The following TMEM94 variants were observed in gnomAD, a reference collection of about 807,000 sequenced individuals.
TMEM94 encodes transmembrane protein 94, also known as ER Mg2+ ATPase.
Under a neutral mutation model 158.6 loss-of-function variants are expected in TMEM94, and 81 were observed. The observed-to-expected ratio is 0.51, with a 90% CI of 0.43 to 0.61. The LOEUF (loss-of-function observed/expected upper bound fraction) is 0.61, where lower values mean the gene tolerates loss of function less well. TMEM94 is among the 20% of genes least tolerant of loss of function. The pLI is 0.00. For synonymous variants in TMEM94, 751 were observed against 730.7 expected (o/e 1.03, Z -0.45); for missense variants, 1,435 against 1,762.0 (o/e 0.81, Z 3.32).
At chr17:75,476,659 A>T in intron 2 of TMEM94, 4 of 1,535,016 alleles carry the variant, frequency 2.6e-6, no homozygotes, top group Non-Finnish European at 3.5e-6. Context: ...AAGTTCTTGC[A>T]GCTGACTGCT....
chr17:75,478,329 TAAAAAAAA>T (rs57199058), intron 2 of TMEM94, among the ~76,000 whole-genome samples: 1 of 97,566 alleles, frequency 1.0e-5, no homozygotes, highest in Non-Finnish European at 2.1e-5. Flanking sequence ...GACTCCATCT[TAAAAAAAA>T]AAAAAAAAAA....
intron 1 of TMEM94, chr17:75,457,186 G>T (rs2049920087): frequency 6.6e-6 from 1 of 152,398 alleles, no homozygotes; most frequent in African/African-American, 2.4e-5. Flanking sequence ...GCCGCCCGGG[G>T]TCCTCGCGCG....
chr17:75,483,204 G>T (rs936480789), intron 2 of TMEM94, among the ~76,000 whole-genome samples: 2 of 152,182 alleles, frequency 1.3e-5, no homozygotes, highest in Non-Finnish European at 2.9e-5. Flanking sequence ...TGGCACATCT[G>T]AAGGGTCTCC....
intron 2 of TMEM94, among the ~76,000 whole-genome samples, chr17:75,482,515 AATATATAT>A (rs201610153): frequency 7.4e-5 from 10 of 134,424 alleles, no homozygotes; most frequent in Non-Finnish European, 1.6e-4. Context: ...TCAATTTAAA[AATATATAT>A]ATATGTATGT....
chr17:75,461,909 G>A (rs1474947118), intron 1 of TMEM94, among the ~76,000 whole-genome samples: 19 of 136,158 alleles, frequency 1.4e-4, no homozygotes, highest in East Asian at 4.3e-4. Context: ...GCAAGACTCC[G>A]TCTCAAAAAA....
Position 75,485,266 on chromosome 17 carries a change from G to T in TMEM94, c.25-162G>T. The T allele has an allele frequency of 1.5e-6, 1 of 688,908 alleles. No individual in the cohort carries two copies. The allele number at this position is 688,908 out of a possible 1,614,324, so 42.7% of individuals were successfully genotyped here. A position where few individuals can be genotyped will look rare whatever the true frequency, so the allele number is the denominator to read the frequency against. ...AACAGTTTGTAATTTGGTGGAGATG[G>T]ACATGGTCACACCTTGAGAGGCCAG... On this transcript the variant is annotated intron_variant, in intron 2 of 31. Transcript: ENST00000314256. The surrounding 1 kb of genome is among the most constrained non-coding windows in gnomAD (Gnocchi z 5.5).
At chr17:75,470,956 A>G (rs1403434067) in intron 1 of TMEM94, among the ~76,000 whole-genome samples, 1 of 148,838 alleles carries the variant, frequency 6.7e-6, no homozygotes, top group African/African-American at 2.5e-5. Flanking sequence ...AAGAAAATGA[A>G]GGTCAGGCGC....
intron 2 of TMEM94, among the ~76,000 whole-genome samples, chr17:75,482,581 T>C: frequency 6.6e-6 from 1 of 151,840 alleles, no homozygotes; most frequent in East Asian, 1.9e-4. Flanking sequence ...TAACCTGGAA[T>C]TCCCTTCATC....
In TMEM94 at chr17:75,492,943, G is replaced by T. The variant is rs1488481896; in HGVS notation, c.1927G>T (p.Ala643Ser). ...CCGCCCTGCAGGCTTCACTCCTGGG[G>T]CCAAGGAGCTTTTCAAGCAGGAGAA... is the stretch of plus-strand genomic sequence containing the variant. ...LARLIGFTPG[A>S]KELFKQENHL... Residue 643 changes from alanine to serine, a missense_variant, in exon 16 of 32, where the codon GCC (alanine) becomes TCC (serine). Ala to Ser is a moderately conservative substitution (Grantham distance 99, BLOSUM62 1). Transcript: ENST00000314256. This position sits in a 1 kb window ranked among gnomAD's most constrained non-coding sequence, Gnocchi z 4.4. The T allele has an allele frequency of 6.2e-7, 1 of 1,613,046 alleles. No individual in the cohort carries two copies. Among genetic ancestry groups the T allele is most frequent in the East Asian group, 2.2e-5 (1 of 44,868 alleles).
At position 75,489,385 on chromosome 17, in the gene TMEM94, T is replaced by C. The variant is rs767395652; in HGVS notation, c.867+17T>C. The C allele has an allele frequency of 3.1e-6, 5 of 1,609,986 alleles. No individual in the cohort carries two copies. In the African/African-American group the frequency reaches 5.3e-5, roughly 17 times the overall value. On this transcript the variant is annotated intron_variant, in intron 8 of 31. Coordinates refer to ENST00000314256, the MANE Select transcript of TMEM94 (RefSeq NM_014738.6). This position sits in a 1 kb window ranked among gnomAD's most constrained non-coding sequence, Gnocchi z 5.0. The stretch of plus-strand genomic sequence containing the variant: ...GTGGTCCTGGTGCGTGTGGCGGGGC[T>C]GTGCGGGGCTGCATGGGGCAGAGGA...
At position 75,485,893 on chromosome 17, in the gene TMEM94, TCCA is replaced by T; in HGVS notation, c.172_174del (p.His58del). On this transcript the variant is annotated inframe_deletion, in exon 4 of 32. Coordinates refer to ENST00000314256, the MANE Select transcript of TMEM94 (RefSeq NM_014738.6). The surrounding 1 kb of genome is among the most constrained non-coding windows in gnomAD (Gnocchi z 5.5). ...CAGGAGGTGTGGAGAAGCAGCTTCC[TCCA>T]CCACAGTAACCGCTGCTCCTGCTTC... 6.2e-7 allele frequency: 1 copy of T among 1,613,092 alleles called. No homozygotes were observed. The highest frequency in any genetic ancestry group is 8.5e-7 in the Non-Finnish European group (1 of 1,179,628).
In TMEM94 at chr17:75,464,783, A is replaced by G. The variant is rs1377770221; in HGVS notation, c.-106-7017A>G. The stretch of plus-strand genomic sequence containing the variant: ...GAGTGCGATGGCATGATCTCAGCTC[A>G]CTGCAACCTCCGCCTCCTGAGTTCA... On this transcript the variant is annotated intron_variant, in intron 1 of 31. Transcript: ENST00000314256. Among the ~76,000 whole-genome samples, 3 of 150,482 alleles carry G rather than the reference A, an allele frequency of 2.0e-5. No individual in the cohort carries two copies. The East Asian group carries it at 5.9e-4, about 30-fold the overall frequency.
chr17:75,484,318 A>G (rs1326956535), intron 2 of TMEM94, among the ~76,000 whole-genome samples: 2 of 103,398 alleles, frequency 1.9e-5, no homozygotes, highest in African/African-American at 7.3e-5. Context: ...CTCCCTCCCA[A>G]CCTCCCTCCC....
chr17:75,473,880 C>G (rs1003158917), intron 2 of TMEM94, among the ~76,000 whole-genome samples: 1 of 152,050 alleles, frequency 6.6e-6, no homozygotes, highest in Non-Finnish European at 1.5e-5. Context: ...TTTGGGAGGC[C>G]GAGGTAGGCA....
At chr17:75,484,022 G>T (rs1459942173) in intron 2 of TMEM94, among the ~76,000 whole-genome samples, 1 of 152,182 alleles carries the variant, frequency 6.6e-6, no homozygotes, top group Non-Finnish European at 1.5e-5. Context: ...AGAGAAGCCA[G>T]GAATGGGGGA....
intron 2 of TMEM94, among the ~76,000 whole-genome samples, chr17:75,472,883 C>T (rs1186814770): frequency 1.3e-5 from 2 of 152,198 alleles, no homozygotes; most frequent in Non-Finnish European, 2.9e-5. Flanking sequence ...CTAGTTTTGA[C>T]ATCATTTTCT....
In TMEM94 at chr17:75,491,439, C is replaced by T. The variant is rs1484709764; in HGVS notation, c.1370C>T (p.Ser457Phe). Residue 457 changes from serine to phenylalanine, a missense_variant, in exon 13 of 32, where the codon TCC (serine) becomes TTC (phenylalanine). Physicochemically the swap from Ser to Phe is radical, Grantham distance 155 (BLOSUM62 -2). Around this residue, in one of 3 missense-constraint regions of TMEM94, gnomAD observed 1,051 missense variants for 1,254.4 expected, o/e 0.84. Coordinates refer to ENST00000314256, the MANE Select transcript of TMEM94 (RefSeq NM_014738.6). This position sits in a 1 kb window ranked among gnomAD's most constrained non-coding sequence, Gnocchi z 5.1. ...EDLTDGLSTR[S>F]FCHPEPHERD... ...CTCACCGATGGCCTATCCACCCGCT[C>T]CTTCTGCCATCCCGAGGTAGAGGAG... 3.1e-6 allele frequency: 5 copies of T among 1,614,040 alleles called. No homozygotes were observed. Among genetic ancestry groups the T allele is most frequent in the Non-Finnish European group, 4.2e-6 (5 of 1,180,042 alleles).
Position 75,499,405 on chromosome 17 carries a change from A to T in TMEM94, c.*71A>T. On this transcript the variant is annotated 3_prime_UTR_variant, in exon 32 of 32. Transcript: ENST00000314256. ...AGCCAGACCCATTTCTGAACAGGGGAGTTTGTATCATGAATGTTTCCAGGT... is the reference window on the plus strand; with the variant it reads ...AGCCAGACCCATTTCTGAACAGGGGTGTTTGTATCATGAATGTTTCCAGGT... 7.0e-7 allele frequency: 1 copy of T among 1,420,420 alleles called. No individual in the cohort carries two copies. The highest frequency in any genetic ancestry group is 1.2e-5 in the South Asian group (1 of 86,248). The allele number at this position is 1,420,420 out of a possible 1,614,324, so 88.0% of individuals were successfully genotyped here.
At position 75,485,393 on chromosome 17, in the gene TMEM94, G is replaced by A. The variant is rs746446115; in HGVS notation, c.25-35G>A. On this transcript the variant is annotated intron_variant, in intron 2 of 31. Coordinates refer to ENST00000314256, the MANE Select transcript of TMEM94 (RefSeq NM_014738.6). This position sits in a 1 kb window ranked among gnomAD's most constrained non-coding sequence, Gnocchi z 5.5. ...CGCGTGCCTTGCATAGCCTTGGCCTGGCAGTGACGCCCAGCGCCTCCTGCT... is the reference window on the plus strand; with the variant it reads ...CGCGTGCCTTGCATAGCCTTGGCCTAGCAGTGACGCCCAGCGCCTCCTGCT... 1.6e-5 allele frequency: 25 copies of A among 1,602,010 alleles called. No homozygotes were observed. The highest frequency in any genetic ancestry group is 1.9e-5 in the Non-Finnish European group (22 of 1,171,422).
Sources: gnomAD v4.1 joint callset for allele counts (sites outside exome capture counted in the v4.1 genomes callset) on GRCh38, gnomAD v4.1.1 for gene constraint, gnomAD v4.1.1 regional missense constraint, Gnocchi (gnomAD v3.1) non-coding constraint, MANE v1.5 for transcripts, NCBI Gene and HGNC (gene_info 2026-07-23, HGNC 2026-07-21) for gene names.